The following TPX2 variants were observed in gnomAD, a reference collection of about 807,000 sequenced individuals.
The protein encoded by TPX2 is TPX2 microtubule nucleation factor.
A neutral mutation model predicts 93.6 loss-of-function variants in TPX2; 21 were observed. The ratio of observed to expected loss-of-function variants is 0.22; its 90% CI spans 0.16 to 0.32. TPX2 has a LOEUF of 0.32. Among genes scored for constraint, TPX2 ranks in the 10% least tolerant of loss-of-function variants. The pLI, the probability that TPX2 is intolerant of heterozygous loss-of-function variation, is 1.00. For synonymous variants in TPX2, 281 were observed against 298.3 expected (o/e 0.94, Z 0.60); for missense variants, 776 against 871.1 (o/e 0.89, Z 1.37).
chr20:31,758,574 T>G (rs2061866515), intron 3 of TPX2, among the ~76,000 whole-genome samples: 1 of 152,220 alleles, frequency 6.6e-6, no homozygotes, highest in Non-Finnish European at 1.5e-5. Flanking sequence ...TGATTCTTTC[T>G]CTCATGTCTC....
intron 7 of TPX2, among the ~76,000 whole-genome samples, chr20:31,772,426 G>T (rs2061970129): frequency 6.6e-6 from 1 of 152,174 alleles, no homozygotes; most frequent in Non-Finnish European, 1.5e-5. Flanking sequence ...GTCTCCCAAA[G>T]TGCTGGGATT....
At chr20:31,749,316 C>A (rs892579032) in intron 2 of TPX2, among the ~76,000 whole-genome samples, 1 of 152,182 alleles carries the variant, frequency 6.6e-6, no homozygotes, top group African/African-American at 2.4e-5. Flanking sequence ...CATTTGGAAT[C>A]CTGGCTTTAC....
chr20:31,780,043 C>G (rs974023112), intron 10 of TPX2, among the ~76,000 whole-genome samples: 1 of 152,108 alleles, frequency 6.6e-6, no homozygotes, highest in Non-Finnish European at 1.5e-5. Flanking sequence ...TTTTTATATC[C>G]TTGCATAGGC....
intron 5 of TPX2, among the ~76,000 whole-genome samples, chr20:31,768,693 T>C (rs1367619191): frequency 6.6e-6 from 1 of 152,156 alleles, no homozygotes; most frequent in Non-Finnish European, 1.5e-5. Flanking sequence ...TTGTAACCCA[T>C]GAATCCTACA....
intron 4 of TPX2, among the ~76,000 whole-genome samples, chr20:31,763,910 T>C (rs1332905028): frequency 6.6e-6 from 1 of 151,290 alleles, no homozygotes; most frequent in Admixed American, 6.6e-5. Flanking sequence ...TCCCAGCTAC[T>C]CGGGAGGCTG....
chr20:31,750,487 T>C (rs1287418257), intron 2 of TPX2, among the ~76,000 whole-genome samples: 1 of 148,024 alleles, frequency 6.8e-6, no homozygotes, highest in Non-Finnish European at 1.5e-5. Flanking sequence ...TATTTATTTA[T>C]TTATTTATGA....
At position 31,798,376 on chromosome 20, in the gene TPX2, G is replaced by C. The variant is rs765406910; in HGVS notation, c.1957G>C (p.Gly653Arg). The C allele has an allele frequency of 1.2e-6, 2 of 1,613,986 alleles. No individual in the cohort carries two copies. Among genetic ancestry groups the C allele is most frequent in the East Asian group, 4.5e-5 (2 of 44,872 alleles). The change falls in exon 17 of 18, where the codon GGT becomes CGT. Residue 653 changes from glycine (G) to arginine (R), a missense_variant. Coordinates refer to ENST00000300403, the MANE Select transcript of TPX2 (RefSeq NM_012112.5). ...EKKSVAEGLS[G>R]SLVQEPFQLA... ...GTTTCTGTACTTAGAGGGCCTTTCT[G>C]GTTCTCTAGTTCAGGAACCTTTTCA... is the stretch of plus-strand genomic sequence containing the variant.
At chr20:31,778,641 T>A (rs918215284) in intron 9 of TPX2, among the ~76,000 whole-genome samples, 172 bp from the exon 10 acceptor site, 2 of 152,238 alleles carry the variant, frequency 1.3e-5, no homozygotes, top group South Asian at 2.1e-4. Flanking sequence ...TAATTTTTTT[T>A]AATGAGAACA....
chr20:31,780,075 C>T (rs1273574635), intron 10 of TPX2, among the ~76,000 whole-genome samples: 1 of 152,106 alleles, frequency 6.6e-6, no homozygotes, highest in Non-Finnish European at 1.5e-5. Context: ...GACAGAGTCT[C>T]GTTCTGGGTG....
chr20:31,789,449 T>C (rs747974607), intron 12 of TPX2, among the ~76,000 whole-genome samples: 4 of 152,102 alleles, frequency 2.6e-5, no homozygotes, highest in Non-Finnish European at 5.9e-5. Flanking sequence ...GTAGAGCATA[T>C]AGATGTGTAA....
chr20:31,796,770 CAT>C (rs1048280710), intron 15 of TPX2, among the ~76,000 whole-genome samples: 3 of 150,404 alleles, frequency 2.0e-5, no homozygotes, highest in African/African-American at 7.3e-5. Flanking sequence ...CCTAATGAAT[CAT>C]GTGTGAAGGC....
intron 5 of TPX2, among the ~76,000 whole-genome samples, chr20:31,768,632 A>G (rs1304440991): frequency 1.3e-5 from 2 of 152,190 alleles, no homozygotes; most frequent in Non-Finnish European, 2.9e-5. Flanking sequence ...ACATTTATCT[A>G]ATTAAAAGAT....
intron 8 of TPX2, among the ~76,000 whole-genome samples, chr20:31,776,746 C>T (rs936431282): frequency 4.0e-5 from 6 of 151,836 alleles, no homozygotes; most frequent in South Asian, 2.1e-4. Flanking sequence ...AGGCTGGTCT[C>T]GAGCTCCTGG....
chr20:31,792,647 CCCAAA>C, intron 12 of TPX2, 83 bp from the exon 13 acceptor site: 3 of 1,300,508 alleles, frequency 2.3e-6, no homozygotes, highest in Non-Finnish European at 3.3e-6. Context: ...CCTGTCTCTA[CCCAAA>C]GGGGAAAAAA....
intron 11 of TPX2, 149 bp from the exon 12 acceptor site, chr20:31,783,556 T>C: frequency 1.3e-6 from 1 of 795,296 alleles, no homozygotes; most frequent in South Asian, 2.0e-5. Context: ...TGGCCCATTG[T>C]TTTTCGTTTT....
Position 31,771,749 on chromosome 20 carries a change from CCT to C in TPX2, c.608+68_608+69del. 5 of 1,542,132 alleles carry C rather than the reference CCT, an allele frequency of 3.2e-6. No homozygotes were observed. In the South Asian group the frequency reaches 6.5e-5, roughly 20 times the overall value. ...TAAAATTACAGATTTACATCTACAA[CCT>C]GTTTGGTGTACCTGGAGGTTGGCAA... On this transcript the variant is annotated intron_variant, in intron 7 of 17. Transcript: ENST00000300403.
At chr20:31,767,677 G>C (rs1380289806) in intron 5 of TPX2, among the ~76,000 whole-genome samples, 2 of 151,766 alleles carry the variant, frequency 1.3e-5, no homozygotes, top group Non-Finnish European at 2.9e-5. Flanking sequence ...TCAACCTCCT[G>C]CGTAGCTGGG....
chr20:31,756,507 A>G (rs1375597149), intron 2 of TPX2, among the ~76,000 whole-genome samples: 1 of 152,234 alleles, frequency 6.6e-6, no homozygotes, highest in Non-Finnish European at 1.5e-5. Context: ...AAAATGGTAA[A>G]TTGAGGGAAA....
At chr20:31,754,868 T>A (rs999402469) in intron 2 of TPX2, among the ~76,000 whole-genome samples, 4 of 152,148 alleles carry the variant, frequency 2.6e-5, no homozygotes, top group Non-Finnish European at 5.9e-5. Flanking sequence ...ATTCAAACTG[T>A]CAATGATTCA....
Sources: allele counts gnomAD v4.1 joint callset (sites outside exome capture counted in the v4.1 genomes callset), GRCh38; gene constraint gnomAD v4.1.1; transcripts MANE v1.5; gene names NCBI Gene and HGNC (gene_info 2026-07-23, HGNC 2026-07-21).